Variants in DIS3 observed in about 807,000 individuals in gnomAD.
DIS3 encodes DIS3 exosome endoribonuclease and 3'-5' exoribonuclease.
In DIS3, 103 loss-of-function variants were observed where a neutral mutation model predicts 113.0. The ratio of observed to expected loss-of-function variants is 0.91; its 90% confidence interval spans 0.78 to 1.07. DIS3 has a LOEUF of 1.07. Ranked by LOEUF, DIS3 falls within the 50% of genes least tolerant of loss-of-function variation. DIS3 has a pLI of 0.00. For synonymous variants in DIS3, 402 were observed against 394.3 expected (o/e 1.02, Z -0.23); for missense variants, 1,121 against 1,167.1 (o/e 0.96, Z 0.58).
At chr13:72,760,346 A>C (rs556171363) in intron 20 of DIS3, among the ~76,000 whole-genome samples, 183 bp downstream of exon 20, 4 of 152,302 alleles carry the variant, frequency 2.6e-5, no homozygotes, top group African/African-American at 9.6e-5. Flanking sequence ...AGAATCTCAG[A>C]TGTCTAGAAT....
rs190168893 is a variant in DIS3 at position 72,778,899 on chromosome 13, A to C, written c.387-519T>G. On this transcript the variant is annotated intron_variant, in intron 2 of 20. Transcript: ENST00000377767. Reference sequence around the variant, plus strand: ...CTATGTAGAGACTGAAAAGTCAGGTATATTAATAGATATTACGTATTTCTT... The same window carrying C: ...CTATGTAGAGACTGAAAAGTCAGGTCTATTAATAGATATTACGTATTTCTT... 9.5e-4 allele frequency among the ~76,000 whole-genome samples: 144 copies of C among 152,322 alleles called. 1 individual carries two copies. The highest frequency in any genetic ancestry group is 3.2e-3 in the African/African-American group (132 of 41,572).
At chr13:72,760,462 T>C in intron 20 of DIS3, 67 bp downstream of exon 20, 3 of 1,593,508 alleles carry the variant, frequency 1.9e-6, no homozygotes, top group Non-Finnish European at 2.6e-6. Flanking sequence ...AATAACTACG[T>C]CCCTTCTTTG....
chr13:72,770,353 T>C (rs2033855353), intron 13 of DIS3, among the ~76,000 whole-genome samples: 1 of 152,164 alleles, frequency 6.6e-6, no homozygotes, highest in African/African-American at 2.4e-5. Context: ...ACCTAGCCCT[T>C]GTTTTTCTGC....
In DIS3 at chr13:72,759,505, A is replaced by G. The variant is rs1299330595; in HGVS notation, c.*290T>C. 3.3e-5 allele frequency: 9 copies of G among 275,050 alleles called. No homozygotes were observed. Among genetic ancestry groups the G allele is most frequent in the Non-Finnish European group, 5.5e-5 (8 of 146,670 alleles). The allele number at this position is 275,050 out of a possible 1,614,324, so 17.0% of individuals were successfully genotyped here. On this transcript the variant is annotated 3_prime_UTR_variant, in exon 21 of 21. Transcript: ENST00000377767. ...TAATCTGCTCCTCAATGAGATGAGC[A>G]CTCCATTTAAATGATCTTTACAGAT...
rs2033430370 is a variant in DIS3, at chr13:72,755,369, T to C, written c.*4426A>G. On this transcript the variant is annotated 3_prime_UTR_variant, in exon 21 of 21. Transcript: ENST00000377767. ...GTGAAAAATCAAGGGCTTACTGACA[T>C]AGGAACAACAGAAATGCTCCTGGAA... 3 of 578,676 alleles carry C rather than the reference T, an allele frequency of 5.2e-6. No homozygotes were observed. Among genetic ancestry groups the C allele is most frequent in the Middle Eastern group, 5.3e-4 (2 of 3,758 alleles). The allele number at this position is 578,676 out of a possible 1,614,324, so 35.8% of individuals were successfully genotyped here.
chr13:72,775,240 C>T lies in DIS3; in HGVS notation c.958G>A (p.Val320Met), dbSNP rs775701611. 1.9e-6 allele frequency: 3 copies of T among 1,613,470 alleles called. No individual in the cohort carries two copies. The change falls in exon 6 of 21, where the codon GTG becomes ATG. Residue 320 changes from valine to methionine, a missense_variant. Val to Met is a conservative substitution (Grantham distance 21). Transcript: ENST00000377767. ...LHDEGQNEEDVEKEEETERML... is the reference protein window; with the variant it reads ...LHDEGQNEEDMEKEEETERML... ...CGTTCTGTCTCTTCTTCTTTCTCCA[C>T]ATCTTCTTCATTTTGACCTTCATCA...
chr13:72,768,059 C>G (rs2033795650), intron 14 of DIS3, among the ~76,000 whole-genome samples: 1 of 152,114 alleles, frequency 6.6e-6, no homozygotes, highest in South Asian at 2.1e-4. Flanking sequence ...TGGGAAGACT[C>G]CTTTTATGCA....
In DIS3 at chr13:72,775,372, T is replaced by C; in HGVS notation, c.826A>G (p.Ile276Val). The C allele has an allele frequency of 6.3e-7, 1 of 1,599,212 alleles. No homozygotes were observed. The highest frequency in any genetic ancestry group is 1.8e-5 in the Admixed American group (1 of 56,756). Residue 276 changes from isoleucine (I) to valine (V), a missense_variant, in exon 6 of 21, where the codon ATC (isoleucine) becomes GTC (valine). This residue lies in a region of DIS3 where 861 missense variants were observed against 915.5 expected (regional missense o/e 0.94). Transcript: ENST00000377767. ...TTTAAATGTTTAAGTCCCTGTAAGA[T>C]TATCTGTTTAAAACAACAGAGGGCA... ...HGDNEENKEI[I>V]LQGLKHLNRA...
chr13:72,755,967 AGT>A lies in DIS3; in HGVS notation c.*3826_*3827del. On this transcript the variant is annotated 3_prime_UTR_variant, in exon 21 of 21. Coordinates refer to ENST00000377767, the MANE Select transcript of DIS3 (RefSeq NM_014953.5). ...AGAATGTGGGAGAACCAAGAGAAAA[AGT>A]GGGGCTGGGAGAGTGGAGTTCCCGT... 2.5e-6 allele frequency: 1 copy of A among 398,618 alleles called. No individual in the cohort carries two copies. Among genetic ancestry groups the A allele is most frequent in the East Asian group, 3.6e-5 (1 of 28,070 alleles). The allele number at this position is 398,618 out of a possible 1,614,324, so 24.7% of individuals were successfully genotyped here.
intron 4 of DIS3, among the ~76,000 whole-genome samples, chr13:72,776,720 A>G (rs2034026488): frequency 6.6e-6 from 1 of 152,198 alleles, no homozygotes; most frequent in African/African-American, 2.4e-5. Context: ...ATATTTATAT[A>G]TAAGAAAATG....
chr13:72,761,790 C>G lies in DIS3; in HGVS notation c.2367G>C (p.Arg789=), dbSNP rs754860596. The G allele has an allele frequency of 6.2e-7, 1 of 1,613,056 alleles. No individual in the cohort carries two copies. The highest frequency in any genetic ancestry group is 1.3e-5 in the African/African-American group (1 of 74,820). ...IRRYADVIVH[R]LLAVAIGADC... Reference sequence around the variant, plus strand: ...CAGCCCCAATAGCCACAGCCAAAAGCCGATGAACAATGACATCTGCGTATC... The same window carrying G: ...CAGCCCCAATAGCCACAGCCAAAAGGCGATGAACAATGACATCTGCGTATC... Residue 789 remains arginine (R), a synonymous_variant, in exon 18 of 21, where the codon CGG becomes CGC. Transcript: ENST00000377767.
intron 15 of DIS3, among the ~76,000 whole-genome samples, chr13:72,765,401 T>C (rs1396907642): frequency 1.3e-5 from 2 of 152,212 alleles, no homozygotes; most frequent in Non-Finnish European, 1.5e-5. Flanking sequence ...TCTATTATTC[T>C]ATCCTACCCC....
rs1593835565 is a variant in DIS3 at position 72,762,092 on chromosome 13, A to G, written c.2173T>C (p.Leu725=). The stretch of plus-strand genomic sequence containing the variant: ...AAAGTAGGAGATTCGGCCTGATCCA[A>G]AGACTCAGCCAAAGACTTGGCTGTA... ...TDTAKSLAES[L]DQAESPTFPY... The change falls in exon 17 of 21, where the codon TTG becomes CTG. Residue 725 remains leucine (L), a synonymous_variant. Coordinates refer to ENST00000377767, the MANE Select transcript of DIS3 (RefSeq NM_014953.5). 1 of 1,614,080 alleles carries G rather than the reference A, an allele frequency of 6.2e-7. No homozygotes were observed. Among genetic ancestry groups the G allele is most frequent in the Non-Finnish European group, 8.5e-7 (1 of 1,180,022 alleles).
intron 3 of DIS3, among the ~76,000 whole-genome samples, 179 bp downstream of exon 3, chr13:72,778,008 T>C (rs2034061117): frequency 1.3e-5 from 2 of 152,196 alleles, no homozygotes; most frequent in South Asian, 4.1e-4. Flanking sequence ...TAACAGCCAC[T>C]GGGCACAACA....
In DIS3 at chr13:72,753,644, C is replaced by CAAAA. The variant is rs762718113; in HGVS notation, c.*6150_*6151insTTTT. Reference sequence around the variant, plus strand: ...GTGGTTTACTTATTTAAATATTTGACTTTTAAGTTCCTCACAATATATTTT... The same window carrying CAAAA: ...GTGGTTTACTTATTTAAATATTTGACAAAATTTTAAGTTCCTCACAATATATTTT... On this transcript the variant is annotated 3_prime_UTR_variant, in exon 21 of 21. Transcript: ENST00000377767. 1.3e-6 allele frequency: 2 copies of CAAAA among 1,571,380 alleles called. No homozygotes were observed.
rs1241004020 is a variant in DIS3, at chr13:72,781,808, T to C, written c.25A>G (p.Lys9Glu). MLKSKTFLKKTRAGGVMKI... is the reference protein window; with the variant it reads MLKSKTFLEKTRAGGVMKI... Reference sequence around the variant, plus strand: ...ATCACGCCGCCCGCCCGGGTCTTTTTTAAGAACGTCTTGGACTTGAGCATC... The same window carrying C: ...ATCACGCCGCCCGCCCGGGTCTTTTCTAAGAACGTCTTGGACTTGAGCATC... The change falls in exon 1 of 21, where the codon AAA (lysine) becomes GAA (glutamate). Residue 9 changes from lysine (K) to glutamate (E), a missense_variant. Lys to Glu is a moderately conservative substitution (Grantham distance 56). Around this residue, in one of 3 missense-constraint regions of DIS3, gnomAD observed 254 missense variants for 232.2 expected, o/e 1.09. Transcript: ENST00000377767. 1 of 1,602,954 alleles carries C rather than the reference T, an allele frequency of 6.2e-7. No individual in the cohort carries two copies. Among genetic ancestry groups the C allele is most frequent in the Non-Finnish European group, 8.5e-7 (1 of 1,174,330 alleles).
At chr13:72,779,771 G>C (rs913438108) in intron 2 of DIS3, among the ~76,000 whole-genome samples, 2 of 150,954 alleles carry the variant, frequency 1.3e-5, no homozygotes, top group Admixed American at 6.6e-5. Flanking sequence ...TGGTGGTGGT[G>C]GGGGGGGTAA....
chr13:72,777,371 A>C, intron 4 of DIS3, 49 bp downstream of exon 4: 2 of 1,564,828 alleles, frequency 1.3e-6, no homozygotes, highest in South Asian at 2.3e-5. Flanking sequence ...AATATTCCAA[A>C]GTGGCTATTT....
At chr13:72,761,341 A>G in intron 19 of DIS3, 22 bp downstream of exon 19, 1 of 1,577,112 alleles carries the variant, frequency 6.3e-7, no homozygotes, top group Non-Finnish European at 8.5e-7. Context: ...GGAAAAGAAA[A>G]CAAACATGAG....
Sources: gnomAD v4.1 joint callset for allele counts (sites outside exome capture counted in the v4.1 genomes callset) on GRCh38, gnomAD v4.1.1 for gene constraint, gnomAD v4.1.1 regional missense constraint, MANE v1.5 for transcripts, NCBI Gene and HGNC (gene_info 2026-07-23, HGNC 2026-07-21) for gene names.